GAREM2: variants seen among roughly 807,000 people sequenced by gnomAD.
GAREM2 encodes GRB2-associated and regulator of MAPK protein 2.
In GAREM2, 30 loss-of-function variants were observed where a neutral mutation model predicts 55.6. The ratio of observed to expected loss-of-function variants is 0.54; its 90% CI spans 0.40 to 0.73. GAREM2 has a LOEUF of 0.73. Among genes scored for constraint, GAREM2 ranks in the 30% least tolerant of loss-of-function variants. The pLI is 0.00. For synonymous variants in GAREM2, 550 were observed against 569.1 expected (o/e 0.97, Z 0.48); for missense variants, 1,075 against 1,257.7 (o/e 0.85, Z 2.20).
chr2:26,185,112 G>T lies in GAREM2; in HGVS notation c.1264G>T (p.Ala422Ser). Reference protein sequence around the residue: ...PDWAAAPEPAAPPAEIPYEEL... With the variant: ...PDWAAAPEPASPPAEIPYEEL... ...CTGGGCAGCCGCGCCCGAGCCCGCC[G>T]CGCCGCCCGCCGAGATCCCCTACGA... Residue 422 changes from alanine (A) to serine (S), a missense_variant, in exon 4 of 6, where the codon GCG becomes TCG. Physicochemically the swap from Ala to Ser is moderately conservative, Grantham distance 99. This residue lies in a region of GAREM2 where 515 missense variants were observed against 501.5 expected (regional missense o/e 1.03). Coordinates refer to ENST00000401533, the MANE Select transcript of GAREM2 (RefSeq NM_001168241.2). 3 of 1,446,294 alleles carry T rather than the reference G, an allele frequency of 2.1e-6. No homozygotes were observed. The highest frequency in any genetic ancestry group is 2.7e-6 in the Non-Finnish European group (3 of 1,107,782). The allele number at this position is 1,446,294 out of a possible 1,614,324, so 89.6% of individuals were successfully genotyped here.
At chr2:26,184,188 C>T (rs755499354) in intron 3 of GAREM2, 45 bp from the exon 4 acceptor site, 1 of 1,541,122 alleles carries the variant, frequency 6.5e-7, no homozygotes, top group South Asian at 1.2e-5. Flanking sequence ...GTGTGGCTTT[C>T]CCTGGGACCT....
chr2:26,184,940 G>A lies in GAREM2; in HGVS notation c.1092G>A (p.Ala364=). 2 of 1,289,654 alleles carry A rather than the reference G, an allele frequency of 1.6e-6. No individual in the cohort carries two copies. Among genetic ancestry groups the A allele is most frequent in the Non-Finnish European group, 2.0e-6 (2 of 1,020,510 alleles). The allele number at this position is 1,289,654 out of a possible 1,614,324, so 79.9% of individuals were successfully genotyped here. A position where few individuals can be genotyped will look rare whatever the true frequency, so the allele number is the denominator to read the frequency against. The stretch of plus-strand genomic sequence containing the variant: ...AGTACTCCACGGCCGTGCGCGAGGC[G>A]CCAGCGGAGCTCGCCGAAGACTGCG... ...PDEYSTAVRE[A]PAELAEDCAS... Residue 364 remains alanine (A), a synonymous_variant, in exon 4 of 6, where the codon GCG becomes GCA. Transcript: ENST00000401533.
the GAREM2 span, among the ~76,000 whole-genome samples, chr2:26,196,570 A>G: frequency 2.0e-5 from 3 of 152,176 alleles, no homozygotes; most frequent in Admixed American, 6.6e-5. Context: ...GGATTTCCCA[A>G]TTTGTGGCAC....
intron 2 of GAREM2, among the ~76,000 whole-genome samples, chr2:26,176,862 G>T (rs998798736): frequency 1.3e-5 from 2 of 152,076 alleles, no homozygotes; most frequent in African/African-American, 4.8e-5. Context: ...TTTCTGTACC[G>T]CGCAACCAAA....
chr2:26,194,982 T>A, the GAREM2 span: 1 of 971,854 alleles, frequency 1.0e-6, no homozygotes, highest in Non-Finnish European at 1.7e-6. Context: ...GGGAAAATCA[T>A]ATCAAAGTCT....
Position 26,185,021 on chromosome 2 carries a change from C to T in GAREM2, c.1173C>T (p.Ala391=). 1 of 1,115,978 alleles carries T rather than the reference C, an allele frequency of 9.0e-7. No homozygotes were observed. The highest frequency in any genetic ancestry group is 1.1e-6 in the Non-Finnish European group (1 of 914,514). 69.1% of individuals were successfully genotyped at this position (1,115,978 alleles called of 1,614,324 possible). ...CCGCGCCGCGCGCCCCCGGGCTCGC[C>T]CGCGCCCCCGGCCCGCTAGCGCCGG... ...CLPAPRAPGL[A]RAPGPLAPAP... The change falls in exon 4 of 6, where the codon GCC becomes GCT. Residue 391 remains alanine (A), a synonymous_variant. Coordinates refer to ENST00000401533, the MANE Select transcript of GAREM2 (RefSeq NM_001168241.2).
chr2:26,175,864 G>C (rs1668848009), intron 1 of GAREM2, among the ~76,000 whole-genome samples: 2 of 152,188 alleles, frequency 1.3e-5, no homozygotes, highest in Admixed American at 1.3e-4. Flanking sequence ...CACAGCTCCA[G>C]CATCTCCTGC....
At chr2:26,191,183 C>T (rs1558313165), downstream of GAREM2, 2 of 1,490,220 alleles carry the variant, frequency 1.3e-6, no homozygotes. Flanking sequence ...AGACACCACT[C>T]TGTTGGAGAA....
At position 26,188,130 on chromosome 2, in the gene GAREM2, G is replaced by A. The variant is rs1214530171; in HGVS notation, c.2498G>A (p.Arg833Gln). 1.9e-5 allele frequency: 29 copies of A among 1,551,350 alleles called. No individual in the cohort carries two copies. The highest frequency in any genetic ancestry group is 5.9e-5 in the Admixed American group (3 of 50,938). ...LSEDVVSFFA[R>Q]ERIDGSIFVQ... is the part of the protein sequence containing the mutation. ...GAGGATGTGGTGAGCTTCTTTGCCC[G>A]AGAACGCATCGATGGTAGCATCTTT... The change falls in exon 6 of 6, where the codon CGA becomes CAA. Residue 833 changes from arginine to glutamine, a missense_variant. By Grantham distance (43) the Arg-to-Gln change is conservative. Around this residue, in one of 6 missense-constraint regions of GAREM2, gnomAD observed 142 missense variants for 172.3 expected, o/e 0.82. Coordinates refer to ENST00000401533, the MANE Select transcript of GAREM2 (RefSeq NM_001168241.2).
rs72809635 is a variant in GAREM2 at position 26,188,805 on chromosome 2, G to A, written c.*548G>A. 22,920 of 152,414 alleles carry A rather than the reference G, an allele frequency of 0.15. 2,133 individuals are homozygous for A. Among genetic ancestry groups the A allele is most frequent in the Middle Eastern group, 0.21 (63 of 294 alleles). The allele number at this position is 152,414 out of a possible 1,614,324, so 9.4% of individuals were successfully genotyped here. A position where few individuals can be genotyped will look rare whatever the true frequency, so the allele number is the denominator to read the frequency against. On this transcript the variant is annotated 3_prime_UTR_variant, in exon 6 of 6. Transcript: ENST00000401533. ...CCCTCTGCTCCACCGTGGTTGAGGG[G>A]GGTGGGGCCTGGCCCCGCACACAGG...
chr2:26,203,486 TCA>T, the GAREM2 span, among the ~76,000 whole-genome samples: 4 of 152,166 alleles, frequency 2.6e-5, no homozygotes, highest in Non-Finnish European at 4.4e-5. Flanking sequence ...CTTTATTAAT[TCA>T]GAGGTAAGAT....
rs1470332427 is a variant in GAREM2 at position 26,176,333 on chromosome 2, C to T, written c.113-11C>T. On this transcript the variant is annotated splice_polypyrimidine_tract_variant and intron_variant, in intron 1 of 5. Coordinates refer to ENST00000401533, the MANE Select transcript of GAREM2 (RefSeq NM_001168241.2). ...CTTCCCCTCATCCTCTGTCCTCCTC[C>T]CCCTTCCCAGGGGAGTACGCCGAGG... is the stretch of plus-strand genomic sequence containing the variant. 2.6e-6 allele frequency: 4 copies of T among 1,524,230 alleles called. No homozygotes were observed. The highest frequency in any genetic ancestry group is 1.4e-5 in the African/African-American group (1 of 72,292). The allele number at this position is 1,524,230 out of a possible 1,614,324, so 94.4% of individuals were successfully genotyped here.
intron 2 of GAREM2, chr2:26,182,175 AG>A: frequency 2.2e-6 from 3 of 1,333,848 alleles, no homozygotes; most frequent in Non-Finnish European, 2.9e-6. Flanking sequence ...GAGCTTACAC[AG>A]GGATGTCAGC....
At chr2:26,190,840 A>T, downstream of GAREM2, 1 of 284,880 alleles carries the variant, frequency 3.5e-6, no homozygotes. Context: ...TGCTTTTTGA[A>T]GGAGGCGTTT....
At chr2:26,197,639 G>C in the GAREM2 span, 2 of 859,060 alleles carry the variant, frequency 2.3e-6, no homozygotes, top group Admixed American at 1.7e-5. Flanking sequence ...GCCTTTATCA[G>C]TGAATCTGAA....
At chr2:26,196,570 AT>A in the GAREM2 span, among the ~76,000 whole-genome samples, 3 of 152,176 alleles carry the variant, frequency 2.0e-5, no homozygotes, top group African/African-American at 2.4e-5. Context: ...GGATTTCCCA[AT>A]TTGTGGCACT....
the GAREM2 span, among the ~76,000 whole-genome samples, chr2:26,201,683 A>T: frequency 6.6e-6 from 1 of 152,368 alleles, no homozygotes; most frequent in African/African-American, 2.4e-5. Context: ...AGTTCTGGTA[A>T]TTCTCTACCT....
Position 26,179,625 on chromosome 2 carries a change from G to A in GAREM2, c.253+3141G>A, listed in dbSNP as rs192951370. On this transcript the variant is annotated intron_variant, in intron 2 of 5. Transcript: ENST00000401533. The surrounding 1 kb of genome is among the most constrained non-coding windows in gnomAD (Gnocchi z 4.7). ...TGGAGCAGGTCCTTAGAGCCGTGGG[G>A]GACCTCAGGTTCCATACAGGGGGAG... is the stretch of plus-strand genomic sequence containing the variant. 2.6e-4 allele frequency among the ~76,000 whole-genome samples: 39 copies of A among 151,992 alleles called. No individual in the cohort carries two copies. The East Asian group carries it at 6.1e-3, about 24-fold the overall frequency.
chr2:26,187,809 G>T lies in GAREM2; in HGVS notation c.2177G>T (p.Gly726Val), dbSNP rs1255491199. The change falls in exon 6 of 6, where the codon GGG (glycine) becomes GTG (valine). Residue 726 changes from glycine (G) to valine (V), a missense_variant. Transcript: ENST00000401533. ...LLRSQEPRAV[G>V]TPGPGPRLSP... ...CGTTCTCAGGAGCCCAGAGCAGTGG[G>T]GACACCTGGGCCTGGACCCCGCCTT... 6.9e-7 allele frequency: 1 copy of T among 1,442,414 alleles called. No homozygotes were observed. Among genetic ancestry groups the T allele is most frequent in the African/African-American group, 1.4e-5 (1 of 69,646 alleles). 89.4% of individuals were successfully genotyped at this position (1,442,414 alleles called of 1,614,324 possible).
Sources: allele counts gnomAD v4.1 joint callset (sites outside exome capture counted in the v4.1 genomes callset), GRCh38; gene constraint gnomAD v4.1.1; regional missense constraint gnomAD v4.1.1; non-coding constraint Gnocchi (gnomAD v3.1); transcripts MANE v1.5; gene names NCBI Gene and HGNC (gene_info 2026-07-23, HGNC 2026-07-21).